Variants in GPC4 observed in about 807,000 individuals in gnomAD.
GPC4 encodes glypican-4.
Under a neutral mutation model 35.0 loss-of-function variants are expected in GPC4, and 10 were observed. That is an observed-to-expected ratio of 0.29 (90% CI 0.18 to 0.48). The LOEUF (loss-of-function observed/expected upper bound fraction) is 0.48. GPC4 is among the 20% of genes least tolerant of loss of function. The pLI, the probability that GPC4 is intolerant of heterozygous loss-of-function variation, is 0.99. For synonymous variants in GPC4, 167 were observed against 170.2 expected (o/e 0.98, Z 0.15); for missense variants, 322 against 451.3 (o/e 0.71, Z 2.60).
rs1276735990 is a variant in GPC4, at chrX:133,415,032, G to C, written c.-67C>G. The C allele has an allele frequency of 7.3e-5, 80 of 1,093,265 alleles. No homozygotes were observed. Among genetic ancestry groups the C allele is most frequent in the Non-Finnish European group, 9.7e-5 (78 of 807,885 alleles). The allele number at this position is 1,093,265 out of a possible 1,213,427, so 90.1% of individuals were successfully genotyped here. A position where few individuals can be genotyped will look rare whatever the true frequency, so the allele number is the denominator to read the frequency against. On this transcript the variant is annotated 5_prime_UTR_variant, in exon 1 of 9. Transcript: ENST00000370828. ...ACGGGAAGCGGCGCTACGGCAGCGG[G>C]CCGAGGGCTGGCGGAGTCGGGGACT...
chrX:133,311,266 T>C lies in GPC4; in HGVS notation c.869A>G (p.Asn290Ser). The change falls in exon 4 of 9, where the codon AAT (asparagine) becomes AGT (serine). Residue 290 changes from asparagine to serine, a missense_variant. Asn to Ser is a conservative substitution (Grantham distance 46). Transcript: ENST00000370828. ...GTTAACCACTTGCTCACCTATGAAA[T>C]TGTTCCATTCAAAATCGAGATCCCC... ...NQGDLDFEWN[N>S]FIDAMLMVAE... 8.3e-7 allele frequency: 1 copy of C among 1,211,165 alleles called. No homozygotes were observed.
At chrX:133,310,742 C>A (rs1235987460) in intron 4 of GPC4, among the ~76,000 whole-genome samples, 1 of 111,822 alleles carries the variant, frequency 8.9e-6, no homozygotes, top group South Asian at 3.8e-4. Context: ...TTTTAAAAGC[C>A]ACTTTTACAA....
chrX:133,333,709 T>C (rs2068430725), intron 2 of GPC4, among the ~76,000 whole-genome samples: 1 of 112,920 alleles, frequency 8.9e-6, no homozygotes. Context: ...GAAGAAACAC[T>C]GCATTTGCAG....
chrX:133,335,861 C>T (rs1569345760), intron 2 of GPC4, among the ~76,000 whole-genome samples: 1 of 111,972 alleles, frequency 8.9e-6, no homozygotes, highest in Admixed American at 9.4e-5. Flanking sequence ...ACAAAGTTGT[C>T]TGGGGTCAAG....
chrX:133,328,312 C>T (rs2068403687), intron 2 of GPC4, among the ~76,000 whole-genome samples: 1 of 111,069 alleles, frequency 9.0e-6, no homozygotes, highest in Non-Finnish European at 1.9e-5. Context: ...CCTTTTGCCT[C>T]AAAGGGACCT....
At chrX:133,348,623 C>A (rs191709647) in intron 1 of GPC4, among the ~76,000 whole-genome samples, 3 of 112,340 alleles carry the variant, frequency 2.7e-5, no homozygotes, top group African/African-American at 6.5e-5. Context: ...TTGAGAATTT[C>A]TCTTAAGTAG....
intron 6 of GPC4, 100 bp downstream of exon 6, chrX:133,305,672 A>G: frequency 9.5e-7 from 1 of 1,048,980 alleles, no homozygotes; most frequent in African/African-American, 1.8e-5. Context: ...GTGACACCTG[A>G]AAGACCCACA....
At chrX:133,375,522 T>C (rs921319155) in intron 1 of GPC4, among the ~76,000 whole-genome samples, 4 of 112,122 alleles carry the variant, frequency 3.6e-5, no homozygotes, top group African/African-American at 1.3e-4. Context: ...ACTTTACAAC[T>C]GAGGCAATTT....
intron 1 of GPC4, among the ~76,000 whole-genome samples, chrX:133,412,552 G>T (rs924728757): frequency 8.9e-6 from 1 of 111,775 alleles, no homozygotes; most frequent in Non-Finnish European, 1.9e-5. Context: ...TCATTCAAAA[G>T]GGGAAATAAA....
intron 1 of GPC4, among the ~76,000 whole-genome samples, chrX:133,371,948 G>C (rs1441240992): frequency 9.0e-6 from 1 of 111,264 alleles, no homozygotes; most frequent in Non-Finnish European, 1.9e-5. Context: ...AAAGAGGTAT[G>C]GAAGGCCGGG....
chrX:133,302,209 G>A lies in GPC4; in HGVS notation c.*658C>T, dbSNP rs1338900095. 8.9e-6 allele frequency: 1 copy of A among 112,259 alleles called. No homozygotes were observed. Among genetic ancestry groups the A allele is most frequent in the East Asian group, 2.8e-4 (1 of 3,550 alleles). 9.3% of individuals were successfully genotyped at this position (112,259 alleles called of 1,213,427 possible). ...TCTCTTCCAACTATCACCAATAAAT[G>A]AAGTACACATAACCTCCTTCTTGGA... On this transcript the variant is annotated 3_prime_UTR_variant, in exon 9 of 9. Coordinates refer to ENST00000370828, the MANE Select transcript of GPC4 (RefSeq NM_001448.3).
chrX:133,370,746 A>G (rs2068609250), intron 1 of GPC4, among the ~76,000 whole-genome samples: 1 of 111,366 alleles, frequency 9.0e-6, no homozygotes, highest in South Asian at 3.9e-4. Context: ...CACTAGCTCA[A>G]TAACTATTTG....
intron 2 of GPC4, 28 bp downstream of exon 2, chrX:133,339,155 G>T (rs756584932): frequency 8.3e-7 from 1 of 1,205,808 alleles, no homozygotes; most frequent in South Asian, 1.8e-5. Flanking sequence ...CTAACTGCCG[G>T]TTCTTACATA....
At position 133,402,773 on chromosome X, in the gene GPC4, G is replaced by C. The variant is rs746425643; in HGVS notation, c.160+12033C>G. Among the ~76,000 whole-genome samples the C allele has an allele frequency of 3.4e-3, 375 of 110,243 alleles. 2 individuals are homozygous for C. The highest frequency in any genetic ancestry group is 4.7e-3 in the Middle Eastern group (1 of 213). ...CCAAAATTAGCCGAGCATGGTGGCG[G>C]GTGCCTGTAGTCCCAGCTGCACAGG... On this transcript the variant is annotated intron_variant, in intron 1 of 8. Transcript: ENST00000370828.
At chrX:133,372,223 TTAAAAAAAA>T (rs2068615396) in intron 1 of GPC4, among the ~76,000 whole-genome samples, 1 of 66,175 alleles carries the variant, frequency 1.5e-5, no homozygotes, top group Non-Finnish European at 2.5e-5. Context: ...GACTCCGTCT[TTAAAAAAAA>T]AAAAAAAAAA....
chrX:133,382,531 A>G (rs1367366225), intron 1 of GPC4, among the ~76,000 whole-genome samples: 5 of 108,438 alleles, frequency 4.6e-5, no homozygotes. Flanking sequence ...GATCAAGACC[A>G]TCCTGGCTAA....
intron 1 of GPC4, among the ~76,000 whole-genome samples, chrX:133,401,594 C>G (rs1318911134): frequency 8.9e-6 from 1 of 112,107 alleles, no homozygotes; most frequent in Non-Finnish European, 1.9e-5. Flanking sequence ...GTTGTTATTT[C>G]ATCATTTGCT....
chrX:133,301,491 GCCA>G lies in GPC4; in HGVS notation c.*1373_*1375del, dbSNP rs953881317. Reference sequence around the variant, plus strand: ...GACAACAGATATGGCCATGGCCTTTGCCACTTCACCCACGTGGCTAAAGGTCAC... The same window carrying G: ...GACAACAGATATGGCCATGGCCTTTGCTTCACCCACGTGGCTAAAGGTCAC... On this transcript the variant is annotated 3_prime_UTR_variant, in exon 9 of 9. Coordinates refer to ENST00000370828, the MANE Select transcript of GPC4 (RefSeq NM_001448.3). 22 of 112,636 alleles carry G rather than the reference GCCA, an allele frequency of 2.0e-4. No individual in the cohort carries two copies. Among genetic ancestry groups the G allele is most frequent in the African/African-American group, 7.1e-4 (22 of 31,019 alleles). 9.3% of individuals were successfully genotyped at this position (112,636 alleles called of 1,213,427 possible).
intron 1 of GPC4, among the ~76,000 whole-genome samples, chrX:133,401,625 G>A (rs937057408): frequency 8.9e-6 from 1 of 111,827 alleles, no homozygotes; most frequent in African/African-American, 3.3e-5. Flanking sequence ...AAGAATACAC[G>A]AACATCTTCT....
Sources: gnomAD v4.1 joint callset for allele counts (sites outside exome capture counted in the v4.1 genomes callset) on GRCh38, gnomAD v4.1.1 for gene constraint, MANE v1.5 for transcripts, NCBI Gene and HGNC (gene_info 2026-07-23, HGNC 2026-07-21) for gene names.